Variants in RIMS4 observed in about 807,000 individuals in gnomAD.
RIMS4 encodes the protein regulating synaptic membrane exocytosis protein 4.
A neutral mutation model predicts 29.0 loss-of-function variants in RIMS4; 9 were observed. That is an observed-to-expected ratio of 0.31 (90% CI 0.19 to 0.54). RIMS4 has a LOEUF of 0.54. Among genes scored for constraint, RIMS4 ranks in the 20% least tolerant of loss-of-function variants. RIMS4 has a pLI of 0.94. For missense variants in RIMS4, 193 were observed against 365.7 expected (o/e 0.53, Z 3.85); for synonymous variants, 130 against 152.9 (o/e 0.85, Z 1.10).
At chr20:44,788,968 T>C (rs1407675356) in intron 1 of RIMS4, among the ~76,000 whole-genome samples, 2 of 152,084 alleles carry the variant, frequency 1.3e-5, no homozygotes, top group African/African-American at 2.4e-5. Flanking sequence ...ACAGTAATAA[T>C]AATAAATTAC....
chr20:44,804,324 G>C (rs545762750), intron 1 of RIMS4, among the ~76,000 whole-genome samples: 2 of 152,190 alleles, frequency 1.3e-5, no homozygotes, highest in Admixed American at 1.3e-4. Flanking sequence ...GGCTCAGGAA[G>C]GTTAAGAGAC....
rs1431628455 is a variant in RIMS4 at position 44,756,160 on chromosome 20, C to T, written c.784G>A (p.Val262Met). The change falls in exon 6 of 6, where the codon GTG becomes ATG. Residue 262 changes from valine to methionine, a missense_variant. By Grantham distance (21) the Val-to-Met change is conservative. Coordinates refer to ENST00000372851, the MANE Select transcript of RIMS4 (RefSeq NM_182970.4). The surrounding 1 kb of genome is among the most constrained non-coding windows in gnomAD (Gnocchi z 5.9). ...QASQLSLESTVGPCGERS is the reference protein window; with the variant it reads ...QASQLSLESTMGPCGERS ...TAAGATCGTTCTCCGCAGGGCCCCA[C>T]GGTGCTCTCGAGGGACAACTGGGAT... 1.7e-5 allele frequency: 28 copies of T among 1,611,570 alleles called. No individual in the cohort carries two copies. The highest frequency in any genetic ancestry group is 1.8e-4 in the Middle Eastern group (1 of 5,456).
At chr20:44,785,735 T>C (rs2145466386) in intron 1 of RIMS4, among the ~76,000 whole-genome samples, 1 of 151,650 alleles carries the variant, frequency 6.6e-6, no homozygotes, top group East Asian at 1.9e-4. Flanking sequence ...AGATTGGGGA[T>C]GATACATAGG....
At chr20:44,799,483 C>A (rs528500615) in intron 1 of RIMS4, among the ~76,000 whole-genome samples, 1 of 152,192 alleles carries the variant, frequency 6.6e-6, no homozygotes, top group South Asian at 2.1e-4. Flanking sequence ...GGATGGGCCC[C>A]GGAGGCACCT....
intron 1 of RIMS4, among the ~76,000 whole-genome samples, chr20:44,799,621 C>T (rs1232512626): frequency 6.6e-6 from 1 of 152,196 alleles, no homozygotes; most frequent in African/African-American, 2.4e-5. Flanking sequence ...TATCTTTCCA[C>T]CCACTCTCAG....
At chr20:44,805,983 C>A (rs1681138897) in intron 1 of RIMS4, among the ~76,000 whole-genome samples, 1 of 152,190 alleles carries the variant, frequency 6.6e-6, no homozygotes, top group South Asian at 2.1e-4. Context: ...TGGATCCCAT[C>A]CACTATCCCA....
intron 2 of RIMS4, among the ~76,000 whole-genome samples, chr20:44,761,795 G>GA (rs2066086375): frequency 6.6e-6 from 1 of 152,248 alleles, no homozygotes; most frequent in African/African-American, 2.4e-5. Flanking sequence ...TGAACCCAGA[G>GA]AGTGAGGCTT....
chr20:44,759,851 TG>T (rs1824261173), intron 2 of RIMS4, among the ~76,000 whole-genome samples: 1 of 152,226 alleles, frequency 6.6e-6, no homozygotes, highest in Non-Finnish European at 1.5e-5. Context: ...AGTCCCCCAG[TG>T]TTCTGTTTTT....
At chr20:44,797,967 A>T (rs1476882242) in intron 1 of RIMS4, among the ~76,000 whole-genome samples, 1 of 152,206 alleles carries the variant, frequency 6.6e-6, no homozygotes, top group Non-Finnish European at 1.5e-5. Flanking sequence ...CAGAAATGAG[A>T]TCTCAAACCC....
intron 2 of RIMS4, among the ~76,000 whole-genome samples, chr20:44,761,808 A>G (rs1385846031): frequency 6.6e-6 from 1 of 152,262 alleles, no homozygotes; most frequent in Non-Finnish European, 1.5e-5. Context: ...TGAGGCTTCC[A>G]AGTCTATTAT....
chr20:44,779,003 A>G (rs1330831901), intron 1 of RIMS4, among the ~76,000 whole-genome samples: 1 of 151,938 alleles, frequency 6.6e-6, no homozygotes, highest in African/African-American at 2.4e-5. Flanking sequence ...TTTGATTAAA[A>G]CCCTTCAATG....
At chr20:44,763,678 T>G (rs964211192) in intron 2 of RIMS4, among the ~76,000 whole-genome samples, 2 of 152,246 alleles carry the variant, frequency 1.3e-5, no homozygotes, top group African/African-American at 4.8e-5. Flanking sequence ...ATCCTATTAC[T>G]TTTGTTTGTG....
intron 1 of RIMS4, among the ~76,000 whole-genome samples, chr20:44,772,173 C>T (rs1016797242): frequency 6.6e-6 from 1 of 152,110 alleles, no homozygotes; most frequent in East Asian, 1.9e-4. Flanking sequence ...CCACTCCTTC[C>T]ATTCTGTGGT....
At chr20:44,774,875 T>G (rs2066152993) in intron 1 of RIMS4, among the ~76,000 whole-genome samples, 1 of 152,068 alleles carries the variant, frequency 6.6e-6, no homozygotes, top group Non-Finnish European at 1.5e-5. Context: ...CCTCGGGCCC[T>G]TTCTAGTTCT....
At chr20:44,783,652 A>C (rs556744464) in intron 1 of RIMS4, among the ~76,000 whole-genome samples, 42 of 152,198 alleles carry the variant, frequency 2.8e-4, no homozygotes, top group Middle Eastern at 3.4e-3. Context: ...CAAAAAAAAA[A>C]CAACAAAGCA....
chr20:44,754,175 C>T lies in RIMS4; in HGVS notation c.*1959G>A, dbSNP rs1169907809. 1 of 152,270 alleles carries T rather than the reference C, an allele frequency of 6.6e-6. No homozygotes were observed. The highest frequency in any genetic ancestry group is 1.9e-4 in the East Asian group (1 of 5,198). 9.4% of individuals were successfully genotyped at this position (152,270 alleles called of 1,614,324 possible). A position where few individuals can be genotyped will look rare whatever the true frequency, so the allele number is the denominator to read the frequency against. On this transcript the variant is annotated 3_prime_UTR_variant, in exon 6 of 6. Coordinates refer to ENST00000372851, the MANE Select transcript of RIMS4 (RefSeq NM_182970.4). Reference sequence around the variant, plus strand: ...CTTGAATGCGAATCCCTCCAGAGCCCTGCTCCTTCCACCCCCAGCCTTGGG... The same window carrying T: ...CTTGAATGCGAATCCCTCCAGAGCCTTGCTCCTTCCACCCCCAGCCTTGGG...
At chr20:44,761,003 A>T (rs901953596) in intron 2 of RIMS4, among the ~76,000 whole-genome samples, 2 of 152,086 alleles carry the variant, frequency 1.3e-5, no homozygotes, top group African/African-American at 4.8e-5. Context: ...TTTGATAGTT[A>T]CCCTGGGCCT....
At chr20:44,808,773 G>A (rs6031810) in intron 1 of RIMS4, among the ~76,000 whole-genome samples, 1 of 152,204 alleles carries the variant, frequency 6.6e-6, no homozygotes, top group Admixed American at 6.5e-5. Flanking sequence ...AGAAAGGGCA[G>A]GAAGACATGC....
chr20:44,770,219 T>C (rs1482691551), intron 2 of RIMS4, among the ~76,000 whole-genome samples: 1 of 152,158 alleles, frequency 6.6e-6, no homozygotes, highest in Non-Finnish European at 1.5e-5. Flanking sequence ...AAATAACCCC[T>C]GGCTGGGAGT....
Sources: allele counts gnomAD v4.1 joint callset (sites outside exome capture counted in the v4.1 genomes callset), GRCh38; gene constraint gnomAD v4.1.1; non-coding constraint Gnocchi (gnomAD v3.1); transcripts MANE v1.5; gene names NCBI Gene and HGNC (gene_info 2026-07-23, HGNC 2026-07-21).